Variants in SERINC1 observed in about 807,000 individuals in gnomAD.
SERINC1 encodes the protein tumor differentially expressed protein 2.
Under a neutral mutation model 52.9 loss-of-function variants are expected in SERINC1, and 38 were observed. The ratio of observed to expected loss-of-function variants is 0.72; its 90% CI spans 0.55 to 0.94. The LOEUF (loss-of-function observed/expected upper bound fraction) is 0.94. Ranked by LOEUF, SERINC1 falls within the 40% of genes least tolerant of loss-of-function variation. SERINC1 has a pLI of 0.00. For missense variants in SERINC1, 471 were observed against 533.9 expected (o/e 0.88, Z 1.16); for synonymous variants, 198 against 183.1 (o/e 1.08, Z -0.66).
At position 122,444,629 on chromosome 6, in the gene SERINC1, C is replaced by T. The variant is rs1774751423; in HGVS notation, c.*415G>A. 1 of 156,538 alleles carries T rather than the reference C, an allele frequency of 6.4e-6. No homozygotes were observed. The highest frequency in any genetic ancestry group is 6.4e-5 in the Admixed American group (1 of 15,620). The allele number at this position is 156,538 out of a possible 1,614,324, so 9.7% of individuals were successfully genotyped here. On this transcript the variant is annotated 3_prime_UTR_variant, in exon 10 of 10. Coordinates refer to ENST00000339697, the MANE Select transcript of SERINC1 (RefSeq NM_020755.4). ...ACTTGTTTATAAATTTTAAAATAAA[C>T]CATGTTCTTTGCAGTATCCTGCCAG...
At chr6:122,449,887 A>G (rs1774875026) in intron 7 of SERINC1, among the ~76,000 whole-genome samples, 1 of 152,130 alleles carries the variant, frequency 6.6e-6, no homozygotes, top group African/African-American at 2.4e-5. Context: ...GTGGTGGCGC[A>G]GGCCTGTAAT....
At chr6:122,464,809 G>A (rs780967369) in intron 1 of SERINC1, among the ~76,000 whole-genome samples, 2 of 152,158 alleles carry the variant, frequency 1.3e-5, no homozygotes, top group Non-Finnish European at 2.9e-5. Flanking sequence ...ATCCACTTAA[G>A]TTTAGAGCAC....
At chr6:122,447,347 C>G in intron 7 of SERINC1, 82 bp from the exon 8 acceptor site, 1 of 1,008,888 alleles carries the variant, frequency 9.9e-7, no homozygotes, top group South Asian at 1.7e-5. Flanking sequence ...TTTTAACTCT[C>G]TATACCCCTG....
intron 7 of SERINC1, among the ~76,000 whole-genome samples, chr6:122,449,884 CGCA>C (rs1774874970): frequency 1.3e-5 from 2 of 151,992 alleles, no homozygotes; most frequent in African/African-American, 4.8e-5. Context: ...GGTGTGGTGG[CGCA>C]GGCCTGTAAT....
chr6:122,468,151 G>T (rs893847575), intron 1 of SERINC1, among the ~76,000 whole-genome samples: 1 of 152,142 alleles, frequency 6.6e-6, no homozygotes, highest in African/African-American at 2.4e-5. Flanking sequence ...ATATTGATTT[G>T]TTCCACCTTT....
intron 2 of SERINC1, among the ~76,000 whole-genome samples, chr6:122,457,680 T>G (rs558764952): frequency 6.6e-6 from 1 of 152,072 alleles, no homozygotes; most frequent in African/African-American, 2.4e-5. Flanking sequence ...TCATCAGAAC[T>G]TGACCATGGT....
At chr6:122,449,911 G>A (rs1252475002) in intron 7 of SERINC1, among the ~76,000 whole-genome samples, 1 of 152,202 alleles carries the variant, frequency 6.6e-6, no homozygotes, top group Non-Finnish European at 1.5e-5. Flanking sequence ...AGCTATTCAG[G>A]AGGCTGAGGC....
rs747909443 is a variant in SERINC1 at position 122,452,075 on chromosome 6, T to C, written c.590-18A>G. 3.2e-5 allele frequency: 46 copies of C among 1,429,292 alleles called. No individual in the cohort carries two copies. Among genetic ancestry groups the C allele is most frequent in the Non-Finnish European group, 4.1e-5 (44 of 1,082,128 alleles). 88.5% of individuals were successfully genotyped at this position (1,429,292 alleles called of 1,614,324 possible). On this transcript the variant is annotated intron_variant, in intron 5 of 9. Transcript: ENST00000339697. ...TAACAAGGCTGTGAAAGAAATATAA[T>C]TGGATAATTAGCTTTTTATCAGAAA...
At chr6:122,469,663 C>A (rs1349531843) in intron 1 of SERINC1, among the ~76,000 whole-genome samples, 1 of 152,204 alleles carries the variant, frequency 6.6e-6, no homozygotes, top group Non-Finnish European at 1.5e-5. Flanking sequence ...TCAAGCAATT[C>A]TCCTGCCTCA....
chr6:122,459,078 C>A (rs556065062), intron 1 of SERINC1, among the ~76,000 whole-genome samples: 5 of 152,236 alleles, frequency 3.3e-5, no homozygotes, highest in African/African-American at 9.6e-5. Context: ...ACAAAAAATT[C>A]CGAGGATTCT....
chr6:122,460,841 AG>A (rs1414558936), intron 1 of SERINC1, among the ~76,000 whole-genome samples: 1 of 152,226 alleles, frequency 6.6e-6, no homozygotes, highest in Non-Finnish European at 1.5e-5. Context: ...CACATGCTCA[AG>A]GAAGTAGAGG....
chr6:122,463,377 G>A (rs963196753), intron 1 of SERINC1, among the ~76,000 whole-genome samples: 8 of 152,040 alleles, frequency 5.3e-5, no homozygotes, highest in Admixed American at 3.9e-4. Flanking sequence ...TCAAAATTAA[G>A]AACTTTTGCT....
Position 122,451,756 on chromosome 6 carries a change from T to C in SERINC1, c.760-2A>G, listed in dbSNP as rs1375608620. On this transcript the variant is annotated splice_acceptor_variant, in intron 6 of 9. Transcript: ENST00000339697. LOFTEE classifies it high-confidence loss of function. The stretch of plus-strand genomic sequence containing the variant: ...CAAACCAGATCTTGGTTGTGATTCC[T>C]ACAAAAAAAAAAAAAAAAAAATATA... 2 of 96,510 alleles carry C rather than the reference T, an allele frequency of 2.1e-5. No homozygotes were observed. Among genetic ancestry groups the C allele is most frequent in the Non-Finnish European group, 2.8e-5 (2 of 71,354 alleles). 6.0% of individuals were successfully genotyped at this position (96,510 alleles called of 1,614,324 possible). A position where few individuals can be genotyped will look rare whatever the true frequency, so the allele number is the denominator to read the frequency against.
rs981990988 is a variant in SERINC1, at chr6:122,443,560, A to C, written c.*1484T>G. ...AATAACTAAACTCTCATACTGCTTG[A>C]TTTTCAGGTTGAAAGGTTACAATAA... On this transcript the variant is annotated 3_prime_UTR_variant, in exon 10 of 10. Coordinates refer to ENST00000339697, the MANE Select transcript of SERINC1 (RefSeq NM_020755.4). 6.6e-6 allele frequency: 1 copy of C among 152,206 alleles called. No homozygotes were observed. The highest frequency in any genetic ancestry group is 6.5e-5 in the Admixed American group (1 of 15,282). 9.4% of individuals were successfully genotyped at this position (152,206 alleles called of 1,614,324 possible). A position where few individuals can be genotyped will look rare whatever the true frequency, so the allele number is the denominator to read the frequency against.
intron 1 of SERINC1, among the ~76,000 whole-genome samples, chr6:122,467,417 C>G (rs1164572436): frequency 6.6e-6 from 1 of 152,086 alleles, no homozygotes; most frequent in African/African-American, 2.4e-5. Context: ...ACCAGCCTGG[C>G]CAACATGACA....
intron 1 of SERINC1, among the ~76,000 whole-genome samples, chr6:122,468,052 C>A (rs1775216427): frequency 6.6e-6 from 1 of 151,906 alleles, no homozygotes; most frequent in Non-Finnish European, 1.5e-5. Flanking sequence ...TTCTTAAGCG[C>A]ATAGAGAAGT....
At chr6:122,451,776 A>AATATATATATATATATATATATAT (rs1554211251) in intron 6 of SERINC1, 22 bp from the exon 7 acceptor site, 4 of 113,082 alleles carry the variant, frequency 3.5e-5, no homozygotes, top group African/African-American at 1.5e-4. Flanking sequence ...AAAAAAAAAA[A>AATATATATATATATATATATATAT]ATATATATAT....
At chr6:122,449,013 A>G (rs1262590055) in intron 7 of SERINC1, among the ~76,000 whole-genome samples, 2 of 152,144 alleles carry the variant, frequency 1.3e-5, no homozygotes, top group Non-Finnish European at 2.9e-5. Flanking sequence ...TTATGTTACT[A>G]TTGTAATTTC....
chr6:122,449,068 C>A (rs535068392), intron 7 of SERINC1, among the ~76,000 whole-genome samples: 1 of 152,122 alleles, frequency 6.6e-6, no homozygotes, highest in Non-Finnish European at 1.5e-5. Context: ...GTGAAATAAT[C>A]GACAAACATT....
Sources: gnomAD v4.1 joint callset for allele counts (sites outside exome capture counted in the v4.1 genomes callset) on GRCh38, gnomAD v4.1.1 for gene constraint, MANE v1.5 for transcripts, NCBI Gene and HGNC (gene_info 2026-07-23, HGNC 2026-07-21) for gene names.